Variants in DDX46 observed in about 807,000 individuals in gnomAD.
DDX46 encodes probable ATP-dependent RNA helicase DDX46.
A neutral mutation model predicts 134.9 loss-of-function variants in DDX46; 30 were observed. The ratio of observed to expected loss-of-function variants is 0.22; its 90% CI spans 0.17 to 0.30. DDX46 has a LOEUF of 0.30. Among genes scored for constraint, DDX46 ranks in the 10% least tolerant of loss-of-function variants. DDX46 has a pLI of 1.00. For synonymous variants in DDX46, 415 were observed against 404.1 expected, an observed-to-expected ratio of 1.03 and a Z score of -0.32; for missense variants, 622 against 1,248.7, an observed-to-expected ratio of 0.50 and a Z score of 7.56.
At chr5:134,783,147 A>G (rs1754208105) in intron 9 of DDX46, 82 bp downstream of exon 9, 4 of 1,498,764 alleles carry the variant, frequency 2.7e-6, no homozygotes, top group Non-Finnish European at 3.6e-6. Flanking sequence ...CCTGAGTTAC[A>G]TTTTTACTCT....
chr5:134,799,804 G>A (rs1046793090), intron 15 of DDX46, among the ~76,000 whole-genome samples: 4 of 151,266 alleles, frequency 2.6e-5, no homozygotes, highest in African/African-American at 9.7e-5. Flanking sequence ...CAGCTACTCA[G>A]GAGACTGAGG....
intron 6 of DDX46, among the ~76,000 whole-genome samples, chr5:134,779,689 C>T (rs750665597): frequency 5.9e-5 from 9 of 151,982 alleles, no homozygotes; most frequent in Non-Finnish European, 1.0e-4. Flanking sequence ...TGGAATCTCA[C>T]GTGTTACCCA....
chr5:134,813,358 T>G (rs1165615585), intron 18 of DDX46, among the ~76,000 whole-genome samples: 1 of 152,254 alleles, frequency 6.6e-6, no homozygotes, highest in Non-Finnish European at 1.5e-5. Context: ...AGGAGCAGTT[T>G]AGTCAGGTAG....
At chr5:134,777,407 T>C (rs1561856427) in intron 5 of DDX46, among the ~76,000 whole-genome samples, 167 bp from the exon 6 acceptor site, 2 of 152,210 alleles carry the variant, frequency 1.3e-5, no homozygotes, top group South Asian at 2.1e-4. Flanking sequence ...CATGTAAAAA[T>C]GGAAAAACCT....
chr5:134,815,793 G>A (rs898842490), intron 18 of DDX46, among the ~76,000 whole-genome samples: 1 of 150,594 alleles, frequency 6.6e-6, no homozygotes, highest in African/African-American at 2.4e-5. Flanking sequence ...TCATCATTGC[G>A]CTTGCCTTGA....
At chr5:134,795,514 T>C (rs1173476090) in intron 14 of DDX46, among the ~76,000 whole-genome samples, 1 of 152,032 alleles carries the variant, frequency 6.6e-6, no homozygotes, top group Non-Finnish European at 1.5e-5. Context: ...AATAAAACGT[T>C]GTTTTAGTTT....
rs1755669824 is a variant in DDX46, at chr5:134,829,146, ACT to A, written c.*443_*444del. ...TGTGTCCCCACCTTGATGTTACATG[ACT>A]CTGGAACAATATGAACTGGATTTAA... On this transcript the variant is annotated 3_prime_UTR_variant, in exon 23 of 23. Coordinates refer to ENST00000452510, the MANE Select transcript of DDX46 (RefSeq NM_001300860.2). The A allele has an allele frequency of 1.3e-5, 2 of 152,666 alleles. No individual in the cohort carries two copies. Among genetic ancestry groups the A allele is most frequent in the South Asian group, 4.1e-4 (2 of 4,830 alleles). The allele number at this position is 152,666 out of a possible 1,614,324, so 9.5% of individuals were successfully genotyped here.
chr5:134,818,155 C>T (rs1378845493), intron 20 of DDX46, among the ~76,000 whole-genome samples: 1 of 151,712 alleles, frequency 6.6e-6, no homozygotes, highest in Non-Finnish European at 1.5e-5. Context: ...GACAGGGCTT[C>T]ACCATGTTGT....
chr5:134,790,025 A>G, intron 12 of DDX46: 1 of 455,568 alleles, frequency 2.2e-6, no homozygotes, highest in South Asian at 1.6e-5. Flanking sequence ...ATATAGAGAG[A>G]CATTTTCTGT....
rs1046687042 is a variant in DDX46, at chr5:134,773,308, A to G, written c.448-388A>G. Among the ~76,000 whole-genome samples the G allele has an allele frequency of 2.0e-5, 3 of 152,178 alleles. No homozygotes were observed. In the East Asian group the frequency reaches 5.8e-4, roughly 29 times the overall value. Reference sequence around the variant, plus strand: ...TAGAAAATTGCTTTTCATAGAGGCAATTTTGGAGGCGTTTAGGGGATTAAA... The same window carrying G: ...TAGAAAATTGCTTTTCATAGAGGCAGTTTTGGAGGCGTTTAGGGGATTAAA... On this transcript the variant is annotated intron_variant, in intron 4 of 22. Coordinates refer to ENST00000452510, the MANE Select transcript of DDX46 (RefSeq NM_001300860.2).
intron 18 of DDX46, 116 bp downstream of exon 18, chr5:134,811,961 G>C (rs1394882960): frequency 1.5e-6 from 2 of 1,327,140 alleles, no homozygotes; most frequent in African/African-American, 3.0e-5. Flanking sequence ...CAAGAGGTTG[G>C]TTCCAGAACA....
chr5:134,790,402 G>A, intron 12 of DDX46, 68 bp from the exon 13 acceptor site: 2 of 1,409,274 alleles, frequency 1.4e-6, no homozygotes, highest in East Asian at 2.3e-5. Context: ...AAAGTTCTTG[G>A]TAGCCATAAA....
intron 18 of DDX46, among the ~76,000 whole-genome samples, chr5:134,814,591 C>T (rs1387513403): frequency 6.6e-6 from 1 of 151,910 alleles, no homozygotes; most frequent in Non-Finnish European, 1.5e-5. Flanking sequence ...ATAACTGACC[C>T]CCTGTTGGTG....
intron 21 of DDX46, among the ~76,000 whole-genome samples, chr5:134,821,345 T>C (rs1255006622): frequency 6.6e-6 from 1 of 151,572 alleles, no homozygotes; most frequent in Non-Finnish European, 1.5e-5. Context: ...CCCGGCCAAT[T>C]TTTGTATTTT....
At chr5:134,787,159 A>C (rs1051270822) in intron 11 of DDX46, among the ~76,000 whole-genome samples, 3 of 152,104 alleles carry the variant, frequency 2.0e-5, no homozygotes, top group African/African-American at 7.2e-5. Context: ...CCTGGGCTCA[A>C]GCAATCTGCT....
chr5:134,760,847 A>G (rs1753356629), intron 1 of DDX46, among the ~76,000 whole-genome samples: 1 of 152,038 alleles, frequency 6.6e-6, no homozygotes, highest in Non-Finnish European at 1.5e-5. Flanking sequence ...CTCCTGCCTC[A>G]GCCTCCCGAG....
At chr5:134,766,582 A>G (rs1382971611) in intron 2 of DDX46, among the ~76,000 whole-genome samples, 2 of 151,328 alleles carry the variant, frequency 1.3e-5, no homozygotes, top group African/African-American at 2.4e-5. Flanking sequence ...TTAGCCGGGC[A>G]TGGTGATGCA....
chr5:134,827,720 T>C (rs975318629), intron 22 of DDX46, among the ~76,000 whole-genome samples: 3 of 152,198 alleles, frequency 2.0e-5, no homozygotes, highest in African/African-American at 7.2e-5. Flanking sequence ...GTAGCAATAA[T>C]TCATTTTCAT....
At chr5:134,813,771 G>A (rs1318054010) in intron 18 of DDX46, among the ~76,000 whole-genome samples, 6 of 151,824 alleles carry the variant, frequency 4.0e-5, no homozygotes, top group Non-Finnish European at 7.4e-5. Context: ...GCACCACCAT[G>A]CCCTGTTAAT....
Sources: allele counts gnomAD v4.1 joint callset (sites outside exome capture counted in the v4.1 genomes callset), GRCh38; gene constraint gnomAD v4.1.1; transcripts MANE v1.5; gene names NCBI Gene and HGNC (gene_info 2026-07-23, HGNC 2026-07-21).